Variants in FAM184B observed in about 807,000 individuals in gnomAD.
The protein encoded by FAM184B is family with sequence similarity 184 member B.
Under a neutral mutation model 135.9 loss-of-function variants are expected in FAM184B, and 111 were observed. That is an observed-to-expected ratio of 0.82 (90% CI 0.70 to 0.96). FAM184B has a LOEUF of 0.96. FAM184B is among the 40% of genes least tolerant of loss of function. The pLI is 0.00. For synonymous variants in FAM184B, 552 were observed against 524.8 expected (o/e 1.05, Z -0.71); for missense variants, 1,375 against 1,323.9 (o/e 1.04, Z -0.60).
At chr4:17,640,482 A>C (rs964960138) in intron 13 of FAM184B, among the ~76,000 whole-genome samples, 1 of 28,984 alleles carries the variant, frequency 3.5e-5, no homozygotes, top group African/African-American at 6.8e-5. Flanking sequence ...AGACTGTCTC[A>C]AAAAAAAAAA....
intron 8 of FAM184B, among the ~76,000 whole-genome samples, chr4:17,663,622 A>ACAC (rs71167318): frequency 6.1e-3 from 99 of 16,316 alleles, no homozygotes; most frequent in Admixed American, 6.9e-3. Flanking sequence ...CACAACACAC[A>ACAC]CACACACACA....
In FAM184B at chr4:17,739,555, G is replaced by GTTTTTTTTTTTTTTTTTTTTTT. The variant is rs397992408; in HGVS notation, c.142-29912_142-29911insAAAAAAAAAAAAAAAAAAAAAA. Among the ~76,000 whole-genome samples, 35 of 62,510 alleles carry GTTTTTTTTTTTTTTTTTTTTTT rather than the reference G, an allele frequency of 5.6e-4. 12 individuals are homozygous for GTTTTTTTTTTTTTTTTTTTTTT. The highest frequency in any genetic ancestry group is 1.2e-3 in the East Asian group (2 of 1,702). 41.0% of individuals were successfully genotyped at this position (62,510 alleles called of 152,430 possible). ...CCCTACACCATATGTCATACCAACT[G>GTTTTTTTTTTTTTTTTTTTTTT]TTTTTTTTTTTTTTTTGAGATGGGG... is the stretch of plus-strand genomic sequence containing the variant. On this transcript the variant is annotated intron_variant, in intron 1 of 17. Coordinates refer to ENST00000265018, the MANE Select transcript of FAM184B (RefSeq NM_015688.2).
At chr4:17,637,879 C>T (rs1475361288) in intron 14 of FAM184B, among the ~76,000 whole-genome samples, 1 of 152,100 alleles carries the variant, frequency 6.6e-6, no homozygotes, top group African/African-American at 2.4e-5. Context: ...CAGGCCATGT[C>T]ACTCCTGCCC....
chr4:17,643,179 C>T (rs1715372375), intron 12 of FAM184B, among the ~76,000 whole-genome samples: 1 of 152,222 alleles, frequency 6.6e-6, no homozygotes, highest in African/African-American at 2.4e-5. Flanking sequence ...ATGCATTCCC[C>T]TCTTGGGTCT....
Position 17,692,051 on chromosome 4 carries a change from CA to C in FAM184B, c.1488+1250del, listed in dbSNP as rs35468215. ...CGGGCAACAGAGCGAGACTCCGTCT[CA>C]AAAAAAAAAAAAAAAGAATAACTGG... is the stretch of plus-strand genomic sequence containing the variant. On this transcript the variant is annotated intron_variant, in intron 6 of 17. Coordinates refer to ENST00000265018, the MANE Select transcript of FAM184B (RefSeq NM_015688.2). Among the ~76,000 whole-genome samples, 1,248 of 135,122 alleles carry C rather than the reference CA, an allele frequency of 9.2e-3. 11 individuals are homozygous for C. The highest frequency in any genetic ancestry group is 0.028 in the African/African-American group (1,000 of 35,300). 88.6% of individuals were successfully genotyped at this position (135,122 alleles called of 152,430 possible). A position where few individuals can be genotyped will look rare whatever the true frequency, so the allele number is the denominator to read the frequency against.
At chr4:17,649,103 A>G (rs557985148) in intron 11 of FAM184B, among the ~76,000 whole-genome samples, 1 of 152,342 alleles carries the variant, frequency 6.6e-6, no homozygotes, top group South Asian at 2.1e-4. Context: ...AGCACCTAGC[A>G]CAGGTTTTAG....
In FAM184B at chr4:17,635,093, G is replaced by A. The variant is rs190054948; in HGVS notation, c.2805C>T (p.Tyr935=). The A allele has an allele frequency of 1.0e-4, 155 of 1,551,542 alleles. 1 individual carries two copies. The highest frequency in any genetic ancestry group is 2.7e-4 in the East Asian group (11 of 40,914). Residue 935 remains tyrosine (Y), a synonymous_variant, in exon 16 of 18, where the codon TAC becomes TAT. Coordinates refer to ENST00000265018, the MANE Select transcript of FAM184B (RefSeq NM_015688.2). ...GGGACATGGCACTGGGGAATGCTGC[G>A]TAGTGAAATCTTCTCTCTTCCTAGA... ...KQLTEERRFH[Y]AAFPSAMSHR... is the part of the protein sequence containing the mutation.
intron 11 of FAM184B, among the ~76,000 whole-genome samples, chr4:17,651,561 A>AAAAAAAAAG (rs1715618585): frequency 6.6e-6 from 1 of 150,982 alleles, no homozygotes; most frequent in East Asian, 1.9e-4. Context: ...AAAAAAAAAA[A>AAAAAAAAAG]AAGAAGAAAA....
intron 1 of FAM184B, among the ~76,000 whole-genome samples, chr4:17,748,472 T>C (rs2108987095): frequency 6.6e-6 from 1 of 151,552 alleles, no homozygotes; most frequent in South Asian, 2.1e-4. Flanking sequence ...ATTTGACACA[T>C]GACTTTGTCC....
chr4:17,695,316 C>T lies in FAM184B; in HGVS notation c.1378-1904G>A, dbSNP rs534894277. Among the ~76,000 whole-genome samples, 56 of 152,102 alleles carry T rather than the reference C, an allele frequency of 3.7e-4. 1 individual carries two copies. In the East Asian group the frequency reaches 0.01, roughly 28 times the overall value. ...TAGCTGAGACTACAGGTGCATGCCA[C>T]CATGCCCAGCTAATTTAAAAAAAAA... On this transcript the variant is annotated intron_variant, in intron 5 of 17. Transcript: ENST00000265018.
At chr4:17,731,215 C>A (rs1279684992) in intron 1 of FAM184B, among the ~76,000 whole-genome samples, 1 of 152,102 alleles carries the variant, frequency 6.6e-6, no homozygotes, top group Non-Finnish European at 1.5e-5. Flanking sequence ...CCAGCCACTG[C>A]AAAAACATGC....
intron 2 of FAM184B, 149 bp downstream of exon 2, chr4:17,708,743 T>TGTGTGTAA (rs1717177594): frequency 2.1e-6 from 1 of 469,936 alleles, no homozygotes. Context: ...TGTGTGTGTG[T>TGTGTGTAA]AATGAATGTA....
chr4:17,740,478 C>T (rs1462298673), intron 1 of FAM184B, among the ~76,000 whole-genome samples: 5 of 151,394 alleles, frequency 3.3e-5, no homozygotes, highest in Non-Finnish European at 5.9e-5. Flanking sequence ...TGTAGATATT[C>T]GTAATTCAGG....
At chr4:17,725,956 C>G (rs1270547919) in intron 1 of FAM184B, among the ~76,000 whole-genome samples, 1 of 151,560 alleles carries the variant, frequency 6.6e-6, no homozygotes, top group African/African-American at 2.4e-5. Context: ...CAGAGTCTTG[C>G]TCTGTCACCC....
intron 1 of FAM184B, among the ~76,000 whole-genome samples, chr4:17,775,851 G>C (rs1718914526): frequency 6.6e-6 from 1 of 152,220 alleles, no homozygotes; most frequent in South Asian, 2.1e-4. Flanking sequence ...CCAAGGGTGG[G>C]AGGCTGCAGG....
At chr4:17,737,799 A>T (rs1196037062) in intron 1 of FAM184B, among the ~76,000 whole-genome samples, 1 of 152,152 alleles carries the variant, frequency 6.6e-6, no homozygotes, top group Admixed American at 6.5e-5. Context: ...TTACTCTCTG[A>T]TCTGGCTCAC....
intron 1 of FAM184B, among the ~76,000 whole-genome samples, chr4:17,764,517 A>G (rs912960874): frequency 4.6e-4 from 70 of 152,154 alleles, no homozygotes; most frequent in African/African-American, 1.7e-3. Flanking sequence ...CCACCCTTTA[A>G]TCTGTCTCTT....
chr4:17,687,501 T>G (rs993792803), intron 7 of FAM184B, among the ~76,000 whole-genome samples: 1 of 152,184 alleles, frequency 6.6e-6, no homozygotes, highest in African/African-American at 2.4e-5. Flanking sequence ...GAAGATATGC[T>G]GAAGTCTTAA....
intron 1 of FAM184B, 139 bp from the exon 2 acceptor site, chr4:17,709,783 T>C: frequency 1.2e-6 from 1 of 806,460 alleles, no homozygotes; most frequent in Non-Finnish European, 1.8e-6. Flanking sequence ...TGCAGGGGAT[T>C]TATTAGAAAC....
Sources: allele counts gnomAD v4.1 joint callset (sites outside exome capture counted in the v4.1 genomes callset), GRCh38; gene constraint gnomAD v4.1.1; transcripts MANE v1.5; gene names NCBI Gene and HGNC (gene_info 2026-07-23, HGNC 2026-07-21).